Variants in ROBO2 observed in about 807,000 individuals in gnomAD.
ROBO2 encodes the protein roundabout homolog 2.
A neutral mutation model predicts 160.8 loss-of-function variants in ROBO2; 53 were observed. That is an observed-to-expected ratio of 0.33 (90% CI 0.26 to 0.41). The LOEUF (loss-of-function observed/expected upper bound fraction) is 0.41, where lower values mean the gene tolerates loss of function less well. ROBO2 is among the 10% of genes least tolerant of loss of function. The pLI is 1.00. For synonymous variants in ROBO2, 664 were observed against 611.7 expected (o/e 1.09, Z -1.26); for missense variants, 1,577 against 1,722.4 (o/e 0.92, Z 1.49).
intron 2 of ROBO2, among the ~76,000 whole-genome samples, chr3:76,049,534 G>A (rs963594824): frequency 1.3e-5 from 2 of 150,432 alleles, no homozygotes; most frequent in African/African-American, 4.9e-5. Flanking sequence ...GAGAGCCGTG[G>A]AATCTGGCCA....
intron 2 of ROBO2, among the ~76,000 whole-genome samples, chr3:75,962,432 G>A (rs1240354931): frequency 1.3e-5 from 2 of 151,856 alleles, no homozygotes; most frequent in Admixed American, 1.3e-4. Context: ...GGCTTGGTTA[G>A]ATATAACGTG....
At chr3:77,552,276 T>G (rs2092947613) in intron 8 of ROBO2, among the ~76,000 whole-genome samples, 1 of 152,016 alleles carries the variant, frequency 6.6e-6, no homozygotes, top group Non-Finnish European at 1.5e-5. Flanking sequence ...ACACACCAAA[T>G]GTAATGCTTA....
intron 2 of ROBO2, among the ~76,000 whole-genome samples, chr3:76,674,598 T>TCACACACACA (rs71104613): frequency 0.071 from 10,563 of 148,072 alleles, 441 homozygotes; most frequent in African/African-American, 0.1. Context: ...ACCTCCTAGT[T>TCACACACACA]CACACACACA....
At chr3:76,659,251 A>G (rs1343727438) in intron 2 of ROBO2, among the ~76,000 whole-genome samples, 2 of 150,018 alleles carry the variant, frequency 1.3e-5, no homozygotes, top group Admixed American at 1.3e-4. Flanking sequence ...TTATATTATT[A>G]CTATTTGTCT....
intron 2 of ROBO2, among the ~76,000 whole-genome samples, chr3:76,780,340 A>G (rs2062556928): frequency 1.3e-5 from 2 of 150,634 alleles, no homozygotes; most frequent in South Asian, 4.1e-4. Flanking sequence ...CCCTTATTAG[A>G]TGTATGGTTT....
intron 2 of ROBO2, among the ~76,000 whole-genome samples, chr3:77,307,945 G>A (rs567219481): frequency 6.6e-6 from 1 of 151,682 alleles, no homozygotes; most frequent in Non-Finnish European, 1.5e-5. Context: ...GCAACAGAAT[G>A]AAACTTGTCT....
intron 5 of ROBO2, among the ~76,000 whole-genome samples, chr3:77,506,430 A>G (rs2088540310): frequency 1.3e-5 from 2 of 152,054 alleles, no homozygotes; most frequent in Non-Finnish European, 2.9e-5. Context: ...TTTAATCCTA[A>G]CAATCCTAAA....
Position 77,230,133 on chromosome 3 carries a change from G to A in ROBO2, c.388+131793G>A, listed in dbSNP as rs2086988227. 5.3e-5 allele frequency among the ~76,000 whole-genome samples: 8 copies of A among 151,904 alleles called. No homozygotes were observed. In the South Asian group the frequency reaches 1.7e-3, roughly 32 times the overall value. On this transcript the variant is annotated intron_variant, in intron 2 of 25. Transcript: ENST00000461745. ...GAGACAGAATCTCTCTGTCACCCAGGCTGGAGTGCAGTGGCATAAGCTCAT... is the reference window on the plus strand; with the variant it reads ...GAGACAGAATCTCTCTGTCACCCAGACTGGAGTGCAGTGGCATAAGCTCAT...
intron 2 of ROBO2, among the ~76,000 whole-genome samples, chr3:76,660,779 T>C (rs12185923): frequency 0.32 from 49,277 of 151,956 alleles, 9,094 homozygotes; most frequent in South Asian, 0.48. Context: ...GGTTAATTTA[T>C]TTATGTACAT....
intron 2 of ROBO2, among the ~76,000 whole-genome samples, chr3:76,249,638 G>T (rs192809717): frequency 6.6e-6 from 1 of 152,078 alleles, no homozygotes; most frequent in African/African-American, 2.4e-5. Context: ...TTTGATGAGC[G>T]TGGTCACAGT....
chr3:76,108,175 G>T (rs186781777), intron 2 of ROBO2, among the ~76,000 whole-genome samples: 1 of 151,942 alleles, frequency 6.6e-6, no homozygotes, highest in Non-Finnish European at 1.5e-5. Context: ...TCGGAACTGC[G>T]ATGCTAATCA....
chr3:76,398,184 A>G (rs1375451575), intron 2 of ROBO2, among the ~76,000 whole-genome samples: 2 of 152,050 alleles, frequency 1.3e-5, no homozygotes, highest in Middle Eastern at 3.2e-3. Flanking sequence ...AGGGACATGG[A>G]TGAAATTGGA....
At chr3:77,582,197 G>A (rs552302279) in intron 16 of ROBO2, among the ~76,000 whole-genome samples, 2 of 152,222 alleles carry the variant, frequency 1.3e-5, no homozygotes, top group South Asian at 2.1e-4. Flanking sequence ...TGTCTCCAAG[G>A]TTCAAGAGAT....
chr3:77,317,430 G>T, intron 2 of ROBO2: 1 of 1,496,682 alleles, frequency 6.7e-7, no homozygotes, highest in Non-Finnish European at 9.1e-7. Flanking sequence ...TCGGTACCTG[G>T]TTTCCAGACT....
At chr3:76,621,561 T>C (rs1201863230) in intron 2 of ROBO2, among the ~76,000 whole-genome samples, 2 of 152,208 alleles carry the variant, frequency 1.3e-5, no homozygotes, top group Non-Finnish European at 2.9e-5. Flanking sequence ...CTACCAAGTG[T>C]GAAAACTTGG....
At chr3:76,063,836 A>G (rs1199506273) in intron 2 of ROBO2, among the ~76,000 whole-genome samples, 1 of 152,144 alleles carries the variant, frequency 6.6e-6, no homozygotes, top group Non-Finnish European at 1.5e-5. Flanking sequence ...TGTGTGTGTG[A>G]ATATAACTAA....
At chr3:77,081,830 C>T (rs1165310117) in intron 1 of ROBO2, among the ~76,000 whole-genome samples, 1 of 152,168 alleles carries the variant, frequency 6.6e-6, no homozygotes, top group Non-Finnish European at 1.5e-5. Context: ...TGGAATTCTC[C>T]TGCATCCTCC....
At chr3:77,379,295 C>T (rs12494826) in intron 2 of ROBO2, among the ~76,000 whole-genome samples, 18,599 of 152,138 alleles carry the variant, frequency 0.12, 1,334 homozygotes, top group Middle Eastern at 0.17. Context: ...CCAATACATG[C>T]ATGCCTTTTG....
At chr3:76,627,428 G>A (rs2089725298) in intron 2 of ROBO2, among the ~76,000 whole-genome samples, 1 of 152,140 alleles carries the variant, frequency 6.6e-6, no homozygotes, top group Non-Finnish European at 1.5e-5. Context: ...GTTTAGCTGT[G>A]CCCCCAGATA....
Sources: allele counts gnomAD v4.1 joint callset (sites outside exome capture counted in the v4.1 genomes callset), GRCh38; gene constraint gnomAD v4.1.1; transcripts MANE v1.5; gene names NCBI Gene and HGNC (gene_info 2026-07-23, HGNC 2026-07-21).